Variants in PSMC6 observed in about 807,000 individuals in gnomAD.
PSMC6 encodes proteasome 26S subunit, ATPase 6.
Under a neutral mutation model 55.9 loss-of-function variants are expected in PSMC6, and 3 were observed. That is an observed-to-expected ratio of 0.05 (90% CI 0.02 to 0.14). The LOEUF (loss-of-function observed/expected upper bound fraction) is 0.14, where lower values mean the gene tolerates loss of function less well. Among genes scored for constraint, PSMC6 ranks in the 10% least tolerant of loss-of-function variants. PSMC6 has a pLI of 1.00. For synonymous variants in PSMC6, 137 were observed against 155.9 expected, an observed-to-expected ratio of 0.88 and a Z score of 0.90; for missense variants, 210 against 478.7, an observed-to-expected ratio of 0.44 and a Z score of 5.24.
At chr14:52,722,006 A>T (rs1479776097) in intron 12 of PSMC6, 1 of 152,354 alleles carries the variant, frequency 6.6e-6, no homozygotes, top group African/African-American at 2.4e-5. Context: ...CAATCTGCCC[A>T]CCTCGGCCAC....
chr14:52,718,108 C>T lies in PSMC6; in HGVS notation c.557C>T (p.Ala186Val). ...ACGGGAAAAACACTCTTGGCACGAG[C>T]CGTTGCTAGCCAGCTGGACTGCAAT... ...PGTGKTLLAR[A>V]VASQLDCNFL... Residue 186 changes from alanine (A) to valine (V), a missense_variant, in exon 8 of 14, where the codon GCC becomes GTC. Coordinates refer to ENST00000445930, the MANE Select transcript of PSMC6 (RefSeq NM_002806.5). The T allele has an allele frequency of 1.2e-6, 2 of 1,613,390 alleles. No individual in the cohort carries two copies. The highest frequency in any genetic ancestry group is 1.7e-6 in the Non-Finnish European group (2 of 1,179,940).
intron 6 of PSMC6, among the ~76,000 whole-genome samples, chr14:52,712,867 T>C (rs1475941755): frequency 6.6e-6 from 1 of 152,162 alleles, no homozygotes; most frequent in Non-Finnish European, 1.5e-5. Context: ...TCCTCCAGCC[T>C]TGGCCTCCCA....
intron 6 of PSMC6, among the ~76,000 whole-genome samples, chr14:52,713,023 G>A (rs1394795348): frequency 6.6e-6 from 1 of 152,126 alleles, no homozygotes; most frequent in Non-Finnish European, 1.5e-5. Context: ...TCTGAGGTCA[G>A]GAGTTCAAGA....
chr14:52,708,697 G>T (rs2041731577), intron 3 of PSMC6, 67 bp from the exon 4 acceptor site: 1 of 1,599,788 alleles, frequency 6.3e-7, no homozygotes, highest in Admixed American at 1.7e-5. Flanking sequence ...TAAACCCTCT[G>T]TCAACGTGGG....
At position 52,711,421 on chromosome 14, in the gene PSMC6, G is replaced by C; in HGVS notation, c.338G>C (p.Arg113Thr). 1 of 1,604,532 alleles carries C rather than the reference G, an allele frequency of 6.2e-7. No individual in the cohort carries two copies. The highest frequency in any genetic ancestry group is 2.2e-5 in the East Asian group (1 of 44,796). Residue 113 changes from arginine (R) to threonine (T), a missense_variant, in exon 6 of 14, where the codon AGA (arginine) becomes ACA (threonine). By Grantham distance (71) the Arg-to-Thr change is moderately conservative. Transcript: ENST00000445930. Reference sequence around the variant, plus strand: ...CCTTTTCATTCTAGATATTTGCCGAGAGAGGTGGATCCACTGGTTTATAAC... The same window carrying C: ...CCTTTTCATTCTAGATATTTGCCGACAGAGGTGGATCCACTGGTTTATAAC... ...TTLTIMRYLP[R>T]EVDPLVYNMS...
Position 52,718,168 on chromosome 14 carries a change from AT to A in PSMC6, c.591+28del, listed in dbSNP as rs1214877881. ...GTAAAGGGAAGATTATTTTGTACTT[AT>A]TGAAATTTAATTTTACTTGAATTAT... is the stretch of plus-strand genomic sequence containing the variant. On this transcript the variant is annotated intron_variant, in intron 8 of 13. Coordinates refer to ENST00000445930, the MANE Select transcript of PSMC6 (RefSeq NM_002806.5). 5 of 1,611,290 alleles carry A rather than the reference AT, an allele frequency of 3.1e-6. No individual in the cohort carries two copies. The East Asian group carries it at 1.1e-4, about 36-fold the overall frequency.
At chr14:52,721,389 G>C (rs1195350830) in intron 12 of PSMC6, 199 bp downstream of exon 12, 18 of 462,818 alleles carry the variant, frequency 3.9e-5, no homozygotes, top group Non-Finnish European at 5.4e-5. Flanking sequence ...ATATAGCAAG[G>C]AACAAAACAG....
At chr14:52,723,699 C>T in intron 12 of PSMC6, 1 of 589,354 alleles carries the variant, frequency 1.7e-6, no homozygotes, top group African/African-American at 1.9e-5. Context: ...ATAGCTATTT[C>T]ACTGTATAAA....
At chr14:52,714,629 A>AG (rs757119201) in intron 7 of PSMC6, among the ~76,000 whole-genome samples, 8 of 152,170 alleles carry the variant, frequency 5.3e-5, no homozygotes, top group Non-Finnish European at 5.9e-5. Context: ...CGGGAGGCCG[A>AG]GGCAGGCAGA....
At chr14:52,718,536 C>G in intron 9 of PSMC6, 184 bp downstream of exon 9, 1 of 630,450 alleles carries the variant, frequency 1.6e-6, no homozygotes, top group Admixed American at 3.3e-5. Flanking sequence ...TGCCTGTAAT[C>G]CCAGCACTTT....
chr14:52,716,689 G>A (rs1014995798), intron 7 of PSMC6, among the ~76,000 whole-genome samples: 1 of 152,020 alleles, frequency 6.6e-6, no homozygotes, highest in Non-Finnish European at 1.5e-5. Context: ...GGAGGCAGAG[G>A]TTGCAGTGAG....
intron 13 of PSMC6, among the ~76,000 whole-genome samples, chr14:52,724,281 T>C (rs768902212): frequency 2.6e-5 from 4 of 152,198 alleles, no homozygotes; most frequent in African/African-American, 4.8e-5. Context: ...CAGAGAAGCA[T>C]ACAGAATGCC....
chr14:52,713,769 A>G (rs1331525846), intron 6 of PSMC6, 112 bp from the exon 7 acceptor site: 2 of 601,428 alleles, frequency 3.3e-6, no homozygotes, highest in Non-Finnish European at 2.8e-6. Context: ...GTCTAGGTCT[A>G]TTAAGAATTA....
At position 52,711,393 on chromosome 14, in the gene PSMC6, A is replaced by G. The variant is rs1324498178; in HGVS notation, c.327-17A>G. The G allele has an allele frequency of 2.6e-6, 4 of 1,560,660 alleles. No individual in the cohort carries two copies. Among genetic ancestry groups the G allele is most frequent in the African/African-American group, 1.4e-5 (1 of 73,294 alleles). ...AATATATCTTTCAAAAGAAAAATAC[A>G]TACCTTTTCATTCTAGATATTTGCC... On this transcript the variant is annotated splice_polypyrimidine_tract_variant and intron_variant, in intron 5 of 13. Coordinates refer to ENST00000445930, the MANE Select transcript of PSMC6 (RefSeq NM_002806.5).
intron 1 of PSMC6, 104 bp from the exon 2 acceptor site, chr14:52,708,205 A>G (rs2295826): frequency 0.11 from 99,695 of 940,292 alleles, 5,836 homozygotes; most frequent in East Asian, 0.15. Context: ...TGTGAAACTT[A>G]GGTAAAGTGA....
intron 12 of PSMC6, chr14:52,722,420 AAG>A (rs1383670201): frequency 6.6e-6 from 1 of 151,802 alleles, no homozygotes; most frequent in African/African-American, 2.4e-5. Flanking sequence ...ACCTAGGAGA[AAG>A]AGAAATTGGC....
chr14:52,721,960 T>A (rs1880200891), intron 12 of PSMC6: 1 of 152,464 alleles, frequency 6.6e-6, no homozygotes. Context: ...GGTTTCACCA[T>A]GTTGCCCAGG....
chr14:52,723,680 C>A, intron 12 of PSMC6: 1 of 405,510 alleles, frequency 2.5e-6, no homozygotes, highest in Non-Finnish European at 4.0e-6. Flanking sequence ...ATCTGGAGTT[C>A]ACATGTGCAT....
At chr14:52,707,897 G>A (rs2041721533) in intron 1 of PSMC6, among the ~76,000 whole-genome samples, 1 of 152,144 alleles carries the variant, frequency 6.6e-6, no homozygotes, top group Non-Finnish European at 1.5e-5. Flanking sequence ...ATAATTACAT[G>A]ATTCTGTGGA....
Sources: gnomAD v4.1 joint callset for allele counts (sites outside exome capture counted in the v4.1 genomes callset) on GRCh38, gnomAD v4.1.1 for gene constraint, MANE v1.5 for transcripts, NCBI Gene and HGNC (gene_info 2026-07-23, HGNC 2026-07-21) for gene names.